DNAJC16: variants seen among roughly 807,000 people sequenced by gnomAD.
DNAJC16 encodes the protein DnaJ heat shock protein family (Hsp40) member C16, also known as dnaJ homolog subfamily C member 16.
In DNAJC16, 76 loss-of-function variants were observed where a neutral mutation model predicts 92.7. That is an observed-to-expected ratio of 0.82 (90% CI 0.68 to 0.99). The LOEUF is 0.99. Among genes scored for constraint, DNAJC16 ranks in the 50% least tolerant of loss-of-function variants. The probability of loss-of-function intolerance (pLI) is 0.00; values close to 1 mark genes in which losing one functional copy is unlikely to be tolerated. For synonymous variants in DNAJC16, 328 were observed against 358.7 expected, an observed-to-expected ratio of 0.91 and a Z score of 0.97; for missense variants, 869 against 942.4, an observed-to-expected ratio of 0.92 and a Z score of 1.02.
At chr1:15,563,059 A>T (rs541673397) in intron 9 of DNAJC16, among the ~76,000 whole-genome samples, 8 of 151,644 alleles carry the variant, frequency 5.3e-5, no homozygotes, top group Admixed American at 4.6e-4. Context: ...CTGCATTGTC[A>T]TCACTTCCTA....
intron 7 of DNAJC16, among the ~76,000 whole-genome samples, chr1:15,556,846 A>G (rs539789423): frequency 6.6e-6 from 1 of 152,330 alleles, no homozygotes; most frequent in South Asian, 2.1e-4. Flanking sequence ...GATACCCTTT[A>G]TCAGGTTAAA....
intron 1 of DNAJC16, among the ~76,000 whole-genome samples, chr1:15,527,800 CCTT>C (rs1710554111): frequency 6.6e-6 from 1 of 152,120 alleles, no homozygotes; most frequent in African/African-American, 2.4e-5. Flanking sequence ...ATAGCTTTGC[CCTT>C]CTTCAGTAAG....
chr1:15,564,114 G>A lies in DNAJC16; in HGVS notation c.1521+3G>A. 1 of 1,613,992 alleles carries A rather than the reference G, an allele frequency of 6.2e-7. No individual in the cohort carries two copies. On this transcript the variant is annotated splice_donor_region_variant and intron_variant, in intron 10 of 14. Coordinates refer to ENST00000375847, the MANE Select transcript of DNAJC16 (RefSeq NM_015291.4). ...ACCTGACCGATGAACTTGCCCCTGT[G>A]AGCATCGGGGCTGGGAAGGGTGGGA... is the stretch of plus-strand genomic sequence containing the variant.
At chr1:15,536,932 C>T (rs948913690) in intron 4 of DNAJC16, 118 bp downstream of exon 4, 2 of 815,476 alleles carry the variant, frequency 2.5e-6, no homozygotes, top group South Asian at 2.1e-5. Context: ...CTCACTGCAA[C>T]CTCCACCTCC....
At chr1:15,557,144 C>A (rs1403325911) in intron 7 of DNAJC16, among the ~76,000 whole-genome samples, 5 of 152,222 alleles carry the variant, frequency 3.3e-5, no homozygotes, top group African/African-American at 1.2e-4. Flanking sequence ...TGACTTCTAA[C>A]TTTTCCTTAT....
At chr1:15,562,513 C>T (rs1638714109) in intron 9 of DNAJC16, among the ~76,000 whole-genome samples, 188 bp downstream of exon 9, 1 of 149,260 alleles carries the variant, frequency 6.7e-6, no homozygotes, top group East Asian at 2.0e-4. Flanking sequence ...GAGACAGGGT[C>T]TCACTCTGTC....
chr1:15,567,732 A>G (rs769468167), intron 14 of DNAJC16, 46 bp from the exon 15 acceptor site: 1 of 1,553,052 alleles, frequency 6.4e-7, no homozygotes, highest in Non-Finnish European at 8.7e-7. Context: ...CAGCAATTAA[A>G]TGTGTCAGGA....
At chr1:15,529,514 A>G (rs1710604729) in intron 2 of DNAJC16, among the ~76,000 whole-genome samples, 1 of 152,238 alleles carries the variant, frequency 6.6e-6, no homozygotes, top group Non-Finnish European at 1.5e-5. Flanking sequence ...ATTGCCTTAG[A>G]TACTGTTAGC....
chr1:15,549,860 C>G (rs1638403624), intron 7 of DNAJC16, among the ~76,000 whole-genome samples: 1 of 151,402 alleles, frequency 6.6e-6, no homozygotes, highest in South Asian at 2.1e-4. Flanking sequence ...CGAGGGGGAC[C>G]ATGTTCACAT....
intron 5 of DNAJC16, among the ~76,000 whole-genome samples, chr1:15,545,656 A>T (rs952407024): frequency 3.3e-5 from 5 of 152,176 alleles, no homozygotes; most frequent in Non-Finnish European, 4.4e-5. Context: ...TGAGCAGCAG[A>T]GGAGGGGGAT....
At chr1:15,567,404 T>C in intron 14 of DNAJC16, 135 bp downstream of exon 14, 2 of 909,160 alleles carry the variant, frequency 2.2e-6, no homozygotes, top group Non-Finnish European at 3.3e-6. Context: ...ACCTTTCCAA[T>C]CCAGACATCT....
At chr1:15,549,990 G>A (rs978011943) in intron 7 of DNAJC16, among the ~76,000 whole-genome samples, 7 of 152,168 alleles carry the variant, frequency 4.6e-5, no homozygotes, top group African/African-American at 1.4e-4. Context: ...AACATAGTTT[G>A]TATAGAGTTC....
chr1:15,536,426 T>C, intron 3 of DNAJC16, 49 bp from the exon 4 acceptor site: 2 of 1,466,424 alleles, frequency 1.4e-6, no homozygotes, highest in Non-Finnish European at 1.8e-6. Flanking sequence ...CAAAAAAGTC[T>C]TTTGGATGAA....
chr1:15,530,164 C>T (rs533064091), intron 2 of DNAJC16, among the ~76,000 whole-genome samples: 4 of 151,558 alleles, frequency 2.6e-5, no homozygotes, highest in African/African-American at 7.3e-5. Flanking sequence ...TGTTTGTAAT[C>T]CCAGCACTTT....
At chr1:15,547,887 C>T (rs1213947729) in intron 6 of DNAJC16, among the ~76,000 whole-genome samples, 2 of 152,068 alleles carry the variant, frequency 1.3e-5, no homozygotes, top group African/African-American at 4.8e-5. Flanking sequence ...TCCCAGCCTA[C>T]CTACACTCCC....
intron 5 of DNAJC16, 113 bp downstream of exon 5, chr1:15,544,696 G>A (rs1396814596): frequency 9.7e-7 from 1 of 1,031,414 alleles, no homozygotes; most frequent in Non-Finnish European, 1.4e-6. Context: ...TCATTGTGAG[G>A]AAGGCATGAC....
rs1355948456 is a variant in DNAJC16 at position 15,567,159 on chromosome 1, T to C, written c.1839T>C (p.Ser613=). ...AACTCACAGATGTAACATACACCAGTAACTTGGTACGTCTGAGGCCAGGCC... is the reference window on the plus strand; with the variant it reads ...AACTCACAGATGTAACATACACCAGCAACTTGGTACGTCTGAGGCCAGGCC... The part of the protein sequence containing the change: ...VTELTDVTYT[S]NLVRLRPGHM... Residue 613 remains serine (S), a synonymous_variant, in exon 14 of 15, where the codon AGT becomes AGC. Transcript: ENST00000375847. The C allele has an allele frequency of 6.2e-7, 1 of 1,614,006 alleles. No homozygotes were observed. The highest frequency in any genetic ancestry group is 1.3e-5 in the African/African-American group (1 of 74,936).
At chr1:15,550,532 C>T (rs1037159576) in intron 7 of DNAJC16, among the ~76,000 whole-genome samples, 11 of 152,194 alleles carry the variant, frequency 7.2e-5, no homozygotes, top group Admixed American at 1.3e-4. Flanking sequence ...ATCATTCTTC[C>T]GTTGGTGGAC....
chr1:15,551,031 G>A lies in DNAJC16; in HGVS notation c.1023+2603G>A, dbSNP rs530132781. Among the ~76,000 whole-genome samples the A allele has an allele frequency of 2.1e-3, 323 of 152,162 alleles. 7 individuals are homozygous for A. Among genetic ancestry groups the A allele is most frequent in the South Asian group, 2.7e-3 (13 of 4,810 alleles). On this transcript the variant is annotated intron_variant, in intron 7 of 14. Coordinates refer to ENST00000375847, the MANE Select transcript of DNAJC16 (RefSeq NM_015291.4). Reference sequence around the variant, plus strand: ...ATTACAGGCACCTGCCACCATGCCCGGCTAATTTTTGTATTTTTAGTAGAG... The same window carrying A: ...ATTACAGGCACCTGCCACCATGCCCAGCTAATTTTTGTATTTTTAGTAGAG...
Sources: gnomAD v4.1 joint callset for allele counts (sites outside exome capture counted in the v4.1 genomes callset) on GRCh38, gnomAD v4.1.1 for gene constraint, MANE v1.5 for transcripts, NCBI Gene and HGNC (gene_info 2026-07-23, HGNC 2026-07-21) for gene names.